CCDC85C: variants seen among roughly 807,000 people sequenced by gnomAD.
CCDC85C encodes the protein coiled-coil domain-containing protein 85C.
CCDC85C carries 18 observed loss-of-function variants against 38.3 expected under a neutral mutation model. The observed-to-expected ratio is 0.47, with a 90% CI of 0.33 to 0.70. The LOEUF (loss-of-function observed/expected upper bound fraction) is 0.70. CCDC85C is among the 30% of genes least tolerant of loss of function. CCDC85C has a pLI of 0.03. For synonymous variants in CCDC85C, 264 were observed against 293.8 expected (o/e 0.90, Z 1.04); for missense variants, 566 against 621.2 (o/e 0.91, Z 0.94).
chr14:99,516,304 C>T lies in CCDC85C; in HGVS notation c.1072-18G>A, dbSNP rs372256838. ...TCCAGGACCTGAAGGGAACGGGTCTCGGGGTCAGGGGCAGAGGCCACCGGC... is the reference window on the plus strand; with the variant it reads ...TCCAGGACCTGAAGGGAACGGGTCTTGGGGTCAGGGGCAGAGGCCACCGGC... On this transcript the variant is annotated intron_variant, in intron 4 of 5. Coordinates refer to ENST00000380243, the MANE Select transcript of CCDC85C (RefSeq NM_001144995.2). This position sits in a 1 kb window ranked among gnomAD's most constrained non-coding sequence, Gnocchi z 5.5. 1.8e-4 allele frequency: 277 copies of T among 1,540,914 alleles called. 1 individual carries two copies. Among genetic ancestry groups the T allele is most frequent in the African/African-American group, 1.6e-3 (115 of 72,950 alleles).
chr14:99,578,341 A>G (rs1011021442), intron 1 of CCDC85C, among the ~76,000 whole-genome samples: 1 of 138,982 alleles, frequency 7.2e-6, no homozygotes, highest in Non-Finnish European at 1.5e-5. Context: ...GTGTGTACAC[A>G]TCTCCACACC....
At position 99,517,154 on chromosome 14, in the gene CCDC85C, G is replaced by A. The variant is rs1264378480; in HGVS notation, c.1005C>T (p.Pro335=). 1.1e-5 allele frequency: 17 copies of A among 1,549,462 alleles called. No individual in the cohort carries two copies. The highest frequency in any genetic ancestry group is 9.8e-5 in the Admixed American group (5 of 50,882). ...GGCTGTAGCCAGCAGAGGGGGGCGA[G>A]GGCAGCTCAGGTGCGGGGCAGGCCG... ...NGPACPAPEL[P]SPPSAGYSPA... The change falls in exon 4 of 6, where the codon CCC becomes CCT. Residue 335 remains proline, a synonymous_variant. Transcript: ENST00000380243.
At chr14:99,592,900 G>C (rs1361130605) in intron 1 of CCDC85C, among the ~76,000 whole-genome samples, 1 of 152,228 alleles carries the variant, frequency 6.6e-6, no homozygotes, top group Admixed American at 6.5e-5. Context: ...GAGAAGAGGG[G>C]AGCCTTCCCC....
chr14:99,546,428 G>A lies in CCDC85C; in HGVS notation c.794-10340C>T, dbSNP rs554786843. On this transcript the variant is annotated intron_variant, in intron 1 of 5. Transcript: ENST00000380243. ...GGTCATCACAGCCAGCACTGGGAGA[G>A]CGGCTCAGGGAAGGCACTTGATCTG... Among the ~76,000 whole-genome samples the A allele has an allele frequency of 5.9e-5, 9 of 152,156 alleles. No individual in the cohort carries two copies. In the East Asian group the frequency reaches 1.8e-3, roughly 30 times the overall value.
At chr14:99,592,243 G>A (rs1240239881) in intron 1 of CCDC85C, among the ~76,000 whole-genome samples, 2 of 152,312 alleles carry the variant, frequency 1.3e-5, no homozygotes, top group African/African-American at 2.4e-5. Context: ...GCTACATATG[G>A]CTAGTGGACA....
Position 99,603,854 on chromosome 14 carries a change from G to A in CCDC85C, c.106C>T (p.Arg36Trp). The change falls in exon 1 of 6, where the codon CGG becomes TGG. Residue 36 changes from arginine (R) to tryptophan (W), a missense_variant. Transcript: ENST00000380243. The surrounding 1 kb of genome is among the most constrained non-coding windows in gnomAD (Gnocchi z 7.5). ...WSKEELARRL[R>W]RAEGEKVGLM... is the part of the protein sequence containing the mutation. ...CCCACCTTCTCGCCCTCGGCGCGCCGCAGCCGCCGCGCCAGCTCCTCCTTG... is the reference window on the plus strand; with the variant it reads ...CCCACCTTCTCGCCCTCGGCGCGCCACAGCCGCCGCGCCAGCTCCTCCTTG... 1.3e-6 allele frequency: 2 copies of A among 1,516,106 alleles called. No individual in the cohort carries two copies. The highest frequency in any genetic ancestry group is 1.8e-6 in the Non-Finnish European group (2 of 1,138,290). 93.9% of individuals were successfully genotyped at this position (1,516,106 alleles called of 1,614,324 possible).
chr14:99,554,114 C>A (rs1897966682), intron 1 of CCDC85C, among the ~76,000 whole-genome samples: 1 of 152,190 alleles, frequency 6.6e-6, no homozygotes, highest in Non-Finnish European at 1.5e-5. Flanking sequence ...CCTGCCTGAA[C>A]TCTCCGGAGC....
chr14:99,500,975 TG>T lies in CCDC85C; in HGVS notation c.*14270del. 1 of 732,892 alleles carries T rather than the reference TG, an allele frequency of 1.4e-6. No individual in the cohort carries two copies. Among genetic ancestry groups the T allele is most frequent in the Non-Finnish European group, 2.3e-6 (1 of 426,688 alleles). 45.4% of individuals were successfully genotyped at this position (732,892 alleles called of 1,614,324 possible). A position where few individuals can be genotyped will look rare whatever the true frequency, so the allele number is the denominator to read the frequency against. ...CTCAAAAGCGGAAAACAAAGTTTGATGTGTGAAATACCAAGGGCATGGCTTG... is the reference window on the plus strand; with the variant it reads ...CTCAAAAGCGGAAAACAAAGTTTGATTGTGAAATACCAAGGGCATGGCTTG... On this transcript the variant is annotated 3_prime_UTR_variant, in exon 6 of 6. Coordinates refer to ENST00000380243, the MANE Select transcript of CCDC85C (RefSeq NM_001144995.2).
chr14:99,567,161 G>A (rs912281385), intron 1 of CCDC85C, among the ~76,000 whole-genome samples: 7 of 150,410 alleles, frequency 4.7e-5, no homozygotes, highest in Non-Finnish European at 7.4e-5. Flanking sequence ...TCTCATCTGC[G>A]CTGATGTAGG....
intron 1 of CCDC85C, among the ~76,000 whole-genome samples, chr14:99,601,653 G>A (rs1415966548): frequency 6.6e-6 from 1 of 152,128 alleles, no homozygotes; most frequent in Non-Finnish European, 1.5e-5. Flanking sequence ...AAAATCAAAG[G>A]GGCTGAGGTG....
Position 99,500,307 on chromosome 14 carries a change from C to T in CCDC85C, c.*14939G>A. On this transcript the variant is annotated 3_prime_UTR_variant, in exon 6 of 6. Transcript: ENST00000380243. Reference sequence around the variant, plus strand: ...GAGTATATATACACACACATACACACACACTGGTACAATTTATCTCTGAGT... The same window carrying T: ...GAGTATATATACACACACATACACATACACTGGTACAATTTATCTCTGAGT... 5.4e-6 allele frequency: 1 copy of T among 185,408 alleles called. No homozygotes were observed. Among genetic ancestry groups the T allele is most frequent in the Non-Finnish European group, 1.1e-5 (1 of 89,034 alleles). The allele number at this position is 185,408 out of a possible 1,614,324, so 11.5% of individuals were successfully genotyped here.
chr14:99,577,678 A>T (rs912051571), intron 1 of CCDC85C, among the ~76,000 whole-genome samples: 49 of 141,848 alleles, frequency 3.5e-4, no homozygotes, highest in African/African-American at 1.1e-3. Flanking sequence ...ATCCCCCATC[A>T]GTGTGTGTGT....
chr14:99,591,554 C>T (rs1044921101), intron 1 of CCDC85C, among the ~76,000 whole-genome samples: 2 of 150,744 alleles, frequency 1.3e-5, no homozygotes, highest in African/African-American at 2.5e-5. Flanking sequence ...TTTCAATCTG[C>T]GCAGGAGGCA....
intron 1 of CCDC85C, among the ~76,000 whole-genome samples, chr14:99,582,116 G>C (rs2054978421): frequency 6.6e-6 from 1 of 152,196 alleles, no homozygotes; most frequent in Admixed American, 6.5e-5. Flanking sequence ...ACCCAGCGGG[G>C]GCGGGGGGAT....
At chr14:99,534,525 C>A (rs1897555310) in intron 2 of CCDC85C, 2 of 672,302 alleles carry the variant, frequency 3.0e-6, no homozygotes, top group Non-Finnish European at 5.4e-6. Flanking sequence ...GAGCATGGTC[C>A]TGGCCCTTGC....
intron 3 of CCDC85C, among the ~76,000 whole-genome samples, chr14:99,517,698 T>C (rs1415540123): frequency 1.3e-5 from 2 of 152,112 alleles, no homozygotes; most frequent in African/African-American, 2.4e-5. Flanking sequence ...CCCTGCGGGA[T>C]GAATTGGCTG....
chr14:99,510,905 T>A lies in CCDC85C; in HGVS notation c.*4341A>T. 3.5e-6 allele frequency: 3 copies of A among 848,546 alleles called. No homozygotes were observed. The highest frequency in any genetic ancestry group is 4.8e-6 in the Non-Finnish European group (3 of 624,062). 52.6% of individuals were successfully genotyped at this position (848,546 alleles called of 1,614,324 possible). On this transcript the variant is annotated 3_prime_UTR_variant, in exon 6 of 6. Transcript: ENST00000380243. ...CACGACAGTTGCAGTATGGGAAGAATGGACCGGGCCCCTGGGATAAAATCA... is the reference window on the plus strand; with the variant it reads ...CACGACAGTTGCAGTATGGGAAGAAAGGACCGGGCCCCTGGGATAAAATCA...
chr14:99,556,795 C>T (rs970170367), intron 1 of CCDC85C, among the ~76,000 whole-genome samples: 3 of 152,052 alleles, frequency 2.0e-5, no homozygotes, highest in East Asian at 1.9e-4. Context: ...CCAAAGTTCT[C>T]GGATTACAGG....
rs1897038726 is a variant in CCDC85C at position 99,508,737 on chromosome 14, C to T, written c.*6509G>A. ...GAGAGACCCCCACTTGCTGTTCCAG[C>T]TCAGTCACACAGCACAAGGGCAGGC... On this transcript the variant is annotated 3_prime_UTR_variant, in exon 6 of 6. Transcript: ENST00000380243. 1 of 152,432 alleles carries T rather than the reference C, an allele frequency of 6.6e-6. No individual in the cohort carries two copies. Among genetic ancestry groups the T allele is most frequent in the Non-Finnish European group, 1.5e-5 (1 of 68,214 alleles). 9.4% of individuals were successfully genotyped at this position (152,432 alleles called of 1,614,324 possible). A position where few individuals can be genotyped will look rare whatever the true frequency, so the allele number is the denominator to read the frequency against.
Sources: allele counts gnomAD v4.1 joint callset (sites outside exome capture counted in the v4.1 genomes callset), GRCh38; gene constraint gnomAD v4.1.1; non-coding constraint Gnocchi (gnomAD v3.1); transcripts MANE v1.5; gene names NCBI Gene and HGNC (gene_info 2026-07-23, HGNC 2026-07-21).